Variants in NIBAN1 observed in about 807,000 individuals in gnomAD.
NIBAN1 encodes niban apoptosis regulator 1.
NIBAN1 carries 81 observed loss-of-function variants against 75.1 expected under a neutral mutation model. The observed-to-expected ratio is 1.08, with a 90% confidence interval of 0.90 to 1.30. The LOEUF is 1.30. Among genes scored for constraint, NIBAN1 ranks in the 50% most tolerant of loss-of-function variants. The pLI is 0.00. For missense variants in NIBAN1, 1,133 were observed against 1,128.1 expected (o/e 1.00, Z -0.06); for synonymous variants, 436 against 424.8 (o/e 1.03, Z -0.32).
chr1:184,936,744 TATAAAG>T (rs1463099984), intron 1 of NIBAN1, among the ~76,000 whole-genome samples: 1 of 152,186 alleles, frequency 6.6e-6, no homozygotes, highest in African/African-American at 2.4e-5. Flanking sequence ...GCTTTTCTCT[TATAAAG>T]ATATATGTGA....
At chr1:184,834,024 A>C (rs1655071146) in intron 5 of NIBAN1, among the ~76,000 whole-genome samples, 1 of 149,032 alleles carries the variant, frequency 6.7e-6, no homozygotes. Flanking sequence ...CCACCCCACA[A>C]CAGGCCCCAG....
intron 1 of NIBAN1, among the ~76,000 whole-genome samples, chr1:184,915,603 G>T (rs1187444655): frequency 6.6e-6 from 1 of 152,158 alleles, no homozygotes; most frequent in Admixed American, 6.5e-5. Context: ...ATAAGGTATG[G>T]CTCTGATGAT....
At chr1:184,892,522 A>G (rs1656695286) in intron 3 of NIBAN1, among the ~76,000 whole-genome samples, 1 of 152,228 alleles carries the variant, frequency 6.6e-6, no homozygotes, top group Non-Finnish European at 1.5e-5. Context: ...CTGAGTACAA[A>G]TTAAGTGTTG....
chr1:184,808,520 G>A lies in NIBAN1; in HGVS notation c.1174-285C>T, dbSNP rs192353040. Among the ~76,000 whole-genome samples, 447 of 152,220 alleles carry A rather than the reference G, an allele frequency of 2.9e-3. 3 individuals are homozygous for A. The highest frequency in any genetic ancestry group is 3.1e-3 in the Non-Finnish European group (214 of 68,010). On this transcript the variant is annotated intron_variant, in intron 9 of 13. Coordinates refer to ENST00000367511, the MANE Select transcript of NIBAN1 (RefSeq NM_052966.4). Reference sequence around the variant, plus strand: ...ACTCCAGTCTTTGTAAGCTGTTGATGGACTCTAATCTCCCACTTCCAGAGC... The same window carrying A: ...ACTCCAGTCTTTGTAAGCTGTTGATAGACTCTAATCTCCCACTTCCAGAGC...
intron 5 of NIBAN1, among the ~76,000 whole-genome samples, chr1:184,881,679 T>C (rs1313706188): frequency 6.6e-6 from 1 of 152,186 alleles, no homozygotes; most frequent in Non-Finnish European, 1.5e-5. Flanking sequence ...CTTGATGATA[T>C]GCTAAACAAG....
intron 1 of NIBAN1, among the ~76,000 whole-genome samples, chr1:184,910,887 T>G (rs917344779): frequency 6.6e-6 from 1 of 152,148 alleles, no homozygotes; most frequent in Non-Finnish European, 1.5e-5. Flanking sequence ...AGTTTGGACA[T>G]TGGTCTTTTC....
rs234679 is a variant in NIBAN1 at position 184,917,360 on chromosome 1, C to T, written c.56-18051G>A. ...GGGACTACAGACACCCGCCACCACGCCCGGCTAATTTTTTTTTTTTTTTTT... is the reference window on the plus strand; with the variant it reads ...GGGACTACAGACACCCGCCACCACGTCCGGCTAATTTTTTTTTTTTTTTTT... On this transcript the variant is annotated intron_variant, in intron 1 of 13. Coordinates refer to ENST00000367511, the MANE Select transcript of NIBAN1 (RefSeq NM_052966.4). Among the ~76,000 whole-genome samples the T allele has an allele frequency of 7.1e-3, 1,019 of 142,708 alleles. 10 individuals are homozygous for T. The highest frequency in any genetic ancestry group is 0.024 in the African/African-American group (955 of 38,996). The allele number at this position is 142,708 out of a possible 152,430, so 93.6% of individuals were successfully genotyped here. A position where few individuals can be genotyped will look rare whatever the true frequency, so the allele number is the denominator to read the frequency against.
At chr1:184,894,835 T>C (rs777670609) in intron 2 of NIBAN1, among the ~76,000 whole-genome samples, 8 of 152,222 alleles carry the variant, frequency 5.3e-5, no homozygotes, top group Non-Finnish European at 1.0e-4. Context: ...TCTTATTAAC[T>C]GTGGTGATAT....
intron 9 of NIBAN1, among the ~76,000 whole-genome samples, chr1:184,815,854 C>T (rs1654514121): frequency 1.3e-5 from 2 of 152,184 alleles, no homozygotes; most frequent in South Asian, 4.1e-4. Flanking sequence ...TTGTTAGGTC[C>T]TTTTTCCATG....
intron 1 of NIBAN1, among the ~76,000 whole-genome samples, chr1:184,959,872 T>C (rs530698599): frequency 3.9e-5 from 6 of 152,384 alleles, no homozygotes; most frequent in Non-Finnish European, 8.8e-5. Flanking sequence ...TCTTTGGCCC[T>C]ATAAATCAGA....
rs775188313 is a variant in NIBAN1, at chr1:184,795,698, GTCCC to G, written c.2062_2065del (p.Gly688ProfsTer21). On this transcript the variant is annotated frameshift_variant, in exon 14 of 14. Transcript: ENST00000367511. LOFTEE classifies it low-confidence loss of function (END_TRUNC). ...CTGGGCGGGTTCTTCATCCTCAAGG[GTCCC>G]TCCAAACTCCAGCTCTGATGAGCAT... 2 of 1,614,010 alleles carry G rather than the reference GTCCC, an allele frequency of 1.2e-6. No homozygotes were observed. The highest frequency in any genetic ancestry group is 4.5e-5 in the East Asian group (2 of 44,878).
intron 1 of NIBAN1, 51 bp from the exon 2 acceptor site, chr1:184,899,360 C>T (rs1275251081): frequency 6.3e-7 from 1 of 1,586,596 alleles, no homozygotes; most frequent in Non-Finnish European, 8.6e-7. Context: ...GAATATACAC[C>T]TATCTACAGA....
intron 6 of NIBAN1, among the ~76,000 whole-genome samples, chr1:184,826,152 G>A (rs1229162013): frequency 2.0e-5 from 3 of 152,190 alleles, no homozygotes; most frequent in African/African-American, 7.2e-5. Flanking sequence ...CAGAGAAGGT[G>A]CTTAGCTCTG....
At chr1:184,942,164 T>C (rs367896890) in intron 1 of NIBAN1, among the ~76,000 whole-genome samples, 30 of 152,374 alleles carry the variant, frequency 2.0e-4, no homozygotes, top group East Asian at 1.3e-3. Flanking sequence ...GAATAATTTC[T>C]CAGGGAGCTG....
chr1:184,958,998 G>T (rs1055629787), intron 1 of NIBAN1, among the ~76,000 whole-genome samples: 1 of 152,146 alleles, frequency 6.6e-6, no homozygotes, highest in African/African-American at 2.4e-5. Flanking sequence ...TTAAACAAAC[G>T]CATTCAATCC....
chr1:184,963,820 G>A (rs1658711075), intron 1 of NIBAN1, among the ~76,000 whole-genome samples: 2 of 152,180 alleles, frequency 1.3e-5, no homozygotes, highest in Admixed American at 6.5e-5. Context: ...TCATACAGAT[G>A]TCACTTCTTC....
At chr1:184,939,334 C>A (rs1658034515) in intron 1 of NIBAN1, among the ~76,000 whole-genome samples, 1 of 152,296 alleles carries the variant, frequency 6.6e-6, no homozygotes, top group East Asian at 1.9e-4. Context: ...TAGGCAGAGA[C>A]AACTGCATAA....
rs763675309 is a variant in NIBAN1, at chr1:184,808,077, C to T, written c.1332G>A (p.Gln444=). The T allele has an allele frequency of 6.2e-6, 10 of 1,613,854 alleles. No individual in the cohort carries two copies. The Admixed American group carries it at 1.5e-4, about 24-fold the overall frequency. Residue 444 remains glutamine, a synonymous_variant, in exon 10 of 14, where the codon CAG becomes CAA. Coordinates refer to ENST00000367511, the MANE Select transcript of NIBAN1 (RefSeq NM_052966.4). ...CGGATGCCCCTGCCACACCCACCTC[C>T]TGCATGTAGTTCTGTGTCCTCTGAA... ...LVVQRTQNYM[Q]ELMENAVFTF...
intron 1 of NIBAN1, among the ~76,000 whole-genome samples, chr1:184,932,612 C>T (rs1456158487): frequency 2.0e-5 from 3 of 152,156 alleles, no homozygotes; most frequent in East Asian, 3.9e-4. Context: ...TGGCCACAGA[C>T]GGTACTGGTC....
Sources: allele counts gnomAD v4.1 joint callset (sites outside exome capture counted in the v4.1 genomes callset), GRCh38; gene constraint gnomAD v4.1.1; transcripts MANE v1.5; gene names NCBI Gene and HGNC (gene_info 2026-07-23, HGNC 2026-07-21).